Variants in RPS6KC1 observed in about 807,000 individuals in gnomAD.
RPS6KC1 encodes ribosomal protein S6 kinase C1, also known as inactive ribosomal protein S6 kinase delta-1.
Under a neutral mutation model 103.8 loss-of-function variants are expected in RPS6KC1, and 54 were observed. The observed-to-expected ratio is 0.52, with a 90% CI of 0.42 to 0.65. The LOEUF is 0.65. Among genes scored for constraint, RPS6KC1 ranks in the 30% least tolerant of loss-of-function variants. The probability of loss-of-function intolerance (pLI) is 0.00; values close to 1 mark genes in which losing one functional copy is unlikely to be tolerated. For missense variants in RPS6KC1, 1,151 were observed against 1,253.8 expected (o/e 0.92, Z 1.24); for synonymous variants, 439 against 438.7 (o/e 1.00, Z -0.01).
chr1:213,299,568 A>AT, the RPS6KC1 span, among the ~76,000 whole-genome samples: 14 of 150,120 alleles, frequency 9.3e-5, no homozygotes, highest in African/African-American at 3.5e-4. Flanking sequence ...AAAAAAAAAA[A>AT]AAATATGTCG....
chr1:213,200,854 C>T (rs2093137130), intron 8 of RPS6KC1, among the ~76,000 whole-genome samples: 1 of 152,172 alleles, frequency 6.6e-6, no homozygotes, highest in South Asian at 2.1e-4. Flanking sequence ...ATGCAGCCAA[C>T]AATCTTATGC....
the RPS6KC1 span, among the ~76,000 whole-genome samples, chr1:213,683,337 CT>C: frequency 6.6e-6 from 1 of 152,104 alleles, no homozygotes; most frequent in East Asian, 1.9e-4. Flanking sequence ...AGAAAATGTC[CT>C]TGTCAAAATG....
chr1:213,848,144 A>C, the RPS6KC1 span, among the ~76,000 whole-genome samples: 1 of 152,318 alleles, frequency 6.6e-6, no homozygotes, highest in South Asian at 2.1e-4. Flanking sequence ...AACATTATTG[A>C]TGTATAATTT....
At chr1:213,192,651 C>T (rs1393428242) in intron 8 of RPS6KC1, among the ~76,000 whole-genome samples, 1 of 152,114 alleles carries the variant, frequency 6.6e-6, no homozygotes, top group Non-Finnish European at 1.5e-5. Context: ...CTTTTCAGAA[C>T]ACCAACTTTT....
chr1:213,328,009 C>G, the RPS6KC1 span, among the ~76,000 whole-genome samples: 1 of 152,142 alleles, frequency 6.6e-6, no homozygotes, highest in Admixed American at 6.5e-5. Flanking sequence ...CCCTTTATAA[C>G]TCTTACCATT....
chr1:213,055,301 T>C (rs2077244659), intron 1 of RPS6KC1, among the ~76,000 whole-genome samples: 1 of 152,172 alleles, frequency 6.6e-6, no homozygotes, highest in Non-Finnish European at 1.5e-5. Flanking sequence ...GAATTTTGTA[T>C]ACAAGGAATC....
At chr1:213,162,300 GGC>G (rs760286516) in intron 6 of RPS6KC1, among the ~76,000 whole-genome samples, 3 of 152,052 alleles carry the variant, frequency 2.0e-5, no homozygotes, top group Non-Finnish European at 4.4e-5. Context: ...TTTATTGCCT[GGC>G]CAGTATCTCT....
the RPS6KC1 span, among the ~76,000 whole-genome samples, chr1:213,688,640 C>G: frequency 2.6e-5 from 4 of 152,206 alleles, no homozygotes; most frequent in African/African-American, 9.7e-5. Context: ...CCCAACTGCT[C>G]CTTACATTCA....
At chr1:213,606,622 A>G in the RPS6KC1 span, among the ~76,000 whole-genome samples, 5 of 152,226 alleles carry the variant, frequency 3.3e-5, no homozygotes, top group Non-Finnish European at 7.3e-5. Context: ...TATTGTGCCA[A>G]TAAGTTTCAA....
At chr1:213,415,469 G>T in the RPS6KC1 span, among the ~76,000 whole-genome samples, 1 of 152,228 alleles carries the variant, frequency 6.6e-6, no homozygotes, top group East Asian at 1.9e-4. Context: ...AGCTAAAGGG[G>T]TCGGCTTCTC....
chr1:213,416,666 G>A, the RPS6KC1 span, among the ~76,000 whole-genome samples: 10 of 152,168 alleles, frequency 6.6e-5, no homozygotes, highest in East Asian at 1.3e-3. Flanking sequence ...CCCTGGTGTC[G>A]TGCCTCCGCT....
At chr1:213,526,191 C>T in the RPS6KC1 span, among the ~76,000 whole-genome samples, 28 of 152,064 alleles carry the variant, frequency 1.8e-4, no homozygotes, top group Admixed American at 1.8e-3. Flanking sequence ...AACGTGTGAT[C>T]GATTGAATGT....
chr1:213,151,947 C>G (rs1234926535), intron 6 of RPS6KC1, among the ~76,000 whole-genome samples: 2 of 124,990 alleles, frequency 1.6e-5, no homozygotes, highest in African/African-American at 6.4e-5. Context: ...CCACCTCCCT[C>G]CCGGATGGGG....
At chr1:213,415,126 T>C in the RPS6KC1 span, among the ~76,000 whole-genome samples, 1 of 152,270 alleles carries the variant, frequency 6.6e-6, no homozygotes, top group Non-Finnish European at 1.5e-5. Context: ...TGAGCAAAGC[T>C]GTGCCATTTA....
At chr1:213,386,460 G>T in the RPS6KC1 span, among the ~76,000 whole-genome samples, 1 of 152,240 alleles carries the variant, frequency 6.6e-6, no homozygotes, top group Non-Finnish European at 1.5e-5. Flanking sequence ...TCGATGAAGT[G>T]CTTAGAGCCT....
the RPS6KC1 span, among the ~76,000 whole-genome samples, chr1:213,537,378 T>C: frequency 6.6e-6 from 1 of 152,108 alleles, no homozygotes; most frequent in Admixed American, 6.5e-5. Flanking sequence ...TGGAAGGGGG[T>C]TGGACTTGAG....
the RPS6KC1 span, among the ~76,000 whole-genome samples, chr1:213,348,850 GA>G: frequency 4.7e-3 from 719 of 152,304 alleles, 9 homozygotes; most frequent in African/African-American, 0.016. Flanking sequence ...TGGTTTCAAT[GA>G]AATAATCTTT....
chr1:213,220,945 T>C (rs772305296), intron 8 of RPS6KC1, among the ~76,000 whole-genome samples: 4 of 152,198 alleles, frequency 2.6e-5, no homozygotes, highest in Non-Finnish European at 5.9e-5. Flanking sequence ...TTTAAAGTGG[T>C]ATTTTGTGGA....
chr1:213,646,816 A>G, the RPS6KC1 span, among the ~76,000 whole-genome samples: 1 of 151,928 alleles, frequency 6.6e-6, no homozygotes, highest in Non-Finnish European at 1.5e-5. Context: ...GAGTTAGTTC[A>G]CCTGGTTATA....
Sources: gnomAD v4.1 joint callset for allele counts (sites outside exome capture counted in the v4.1 genomes callset) on GRCh38, gnomAD v4.1.1 for gene constraint, MANE v1.5 for transcripts, NCBI Gene and HGNC (gene_info 2026-07-23, HGNC 2026-07-21) for gene names.